LCLAT1: variants seen among roughly 807,000 people sequenced by gnomAD.
The protein encoded by LCLAT1 is lysocardiolipin acyltransferase 1.
A neutral mutation model predicts 30.7 loss-of-function variants in LCLAT1; 11 were observed. The ratio of observed to expected loss-of-function variants is 0.36; its 90% confidence interval spans 0.23 to 0.59. The LOEUF (loss-of-function observed/expected upper bound fraction) is 0.59. Ranked by LOEUF, LCLAT1 falls within the 20% of genes least tolerant of loss-of-function variation. LCLAT1 has a pLI of 0.77. For missense variants in LCLAT1, 402 were observed against 458.6 expected (o/e 0.88, Z 1.13); for synonymous variants, 155 against 151.3 (o/e 1.02, Z -0.18).
At chr2:30,452,592 A>G (rs1254298678) in intron 1 of LCLAT1, among the ~76,000 whole-genome samples, 1 of 152,210 alleles carries the variant, frequency 6.6e-6, no homozygotes, top group Non-Finnish European at 1.5e-5. Flanking sequence ...ATGATATTTT[A>G]TGAACATAAT....
Position 30,496,191 on chromosome 2 carries a change from A to G in LCLAT1, c.-4-29396A>G, listed in dbSNP as rs1684103315. On this transcript the variant is annotated intron_variant, in intron 1 of 5. Transcript: ENST00000379509. ...CTATTATGAGAACAGCAAGGGGGAAATCTGCCTCCATGATCCAGTCACCTC... is the reference window on the plus strand; with the variant it reads ...CTATTATGAGAACAGCAAGGGGGAAGTCTGCCTCCATGATCCAGTCACCTC... 4.6e-5 allele frequency among the ~76,000 whole-genome samples: 7 copies of G among 152,152 alleles called. No individual in the cohort carries two copies. The South Asian group carries it at 1.0e-3, about 23-fold the overall frequency.
chr2:30,536,392 G>T (rs76982086), intron 3 of LCLAT1, among the ~76,000 whole-genome samples: 17,503 of 152,184 alleles, frequency 0.12, 2,573 homozygotes, highest in African/African-American at 0.34. Flanking sequence ...GCTAGAGAAA[G>T]GTGTCGAATC....
chr2:30,639,063 T>C (rs1669175770), intron 5 of LCLAT1, among the ~76,000 whole-genome samples: 1 of 152,202 alleles, frequency 6.6e-6, no homozygotes, highest in African/African-American at 2.4e-5. Flanking sequence ...AATCCTTAAG[T>C]AGTTCTCCAC....
At chr2:30,535,437 C>T (rs924645019) in intron 3 of LCLAT1, among the ~76,000 whole-genome samples, 1 of 152,132 alleles carries the variant, frequency 6.6e-6, no homozygotes, top group Non-Finnish European at 1.5e-5. Context: ...GTTCACCCCC[C>T]AGGGTCAAAA....
At chr2:30,502,124 G>A (rs758514198) in intron 1 of LCLAT1, among the ~76,000 whole-genome samples, 8 of 152,204 alleles carry the variant, frequency 5.3e-5, no homozygotes, top group Non-Finnish European at 1.2e-4. Context: ...TGCAGGGACA[G>A]CCATTGGTAA....
chr2:30,477,972 C>A (rs554329626), intron 1 of LCLAT1, among the ~76,000 whole-genome samples: 1 of 149,332 alleles, frequency 6.7e-6, no homozygotes, highest in South Asian at 2.1e-4. Flanking sequence ...TGAAAAATCT[C>A]AAAGATTTAC....
At chr2:30,454,002 G>A (rs1337646698) in intron 1 of LCLAT1, among the ~76,000 whole-genome samples, 1 of 152,294 alleles carries the variant, frequency 6.6e-6, no homozygotes, top group East Asian at 1.9e-4. Flanking sequence ...CAGAGTCTGT[G>A]CTCTTAATTA....
At chr2:30,524,945 C>T (rs1415368799) in intron 1 of LCLAT1, among the ~76,000 whole-genome samples, 1 of 151,514 alleles carries the variant, frequency 6.6e-6, no homozygotes, top group Non-Finnish European at 1.5e-5. Context: ...AGTTTTTAGT[C>T]AATTGCTTCT....
intron 5 of LCLAT1, among the ~76,000 whole-genome samples, chr2:30,594,413 T>C (rs879346228): frequency 5.9e-5 from 9 of 152,240 alleles, no homozygotes; most frequent in Admixed American, 5.2e-4. Context: ...TTATCAAGTA[T>C]CTGCTTCTGT....
chr2:30,602,264 A>G (rs1558548555), intron 5 of LCLAT1, among the ~76,000 whole-genome samples: 1 of 151,986 alleles, frequency 6.6e-6, no homozygotes, highest in African/African-American at 2.4e-5. Flanking sequence ...AAAACCAGAC[A>G]TTTTCTGCAC....
chr2:30,452,970 AGAG>A (rs1681633632), intron 1 of LCLAT1, among the ~76,000 whole-genome samples: 1 of 150,896 alleles, frequency 6.6e-6, no homozygotes, highest in Admixed American at 6.6e-5. Flanking sequence ...AGCTGACAAC[AGAG>A]GATTAGCTGC....
At chr2:30,495,374 C>T (rs1026595161) in intron 1 of LCLAT1, among the ~76,000 whole-genome samples, 1 of 152,026 alleles carries the variant, frequency 6.6e-6, no homozygotes, top group Admixed American at 6.6e-5. Context: ...GCCCCCCTTT[C>T]ATAATAAATA....
At chr2:30,495,476 T>G (rs1422509178) in intron 1 of LCLAT1, among the ~76,000 whole-genome samples, 1 of 152,052 alleles carries the variant, frequency 6.6e-6, no homozygotes, top group Non-Finnish European at 1.5e-5. Flanking sequence ...AATAATTCTC[T>G]AATTGCAATA....
chr2:30,528,588 A>G (rs967527989), intron 2 of LCLAT1, among the ~76,000 whole-genome samples: 2 of 152,208 alleles, frequency 1.3e-5, no homozygotes, highest in South Asian at 2.1e-4. Flanking sequence ...TAATATCAAT[A>G]TAGTACAATT....
At chr2:30,485,517 A>G (rs1168972720) in intron 1 of LCLAT1, among the ~76,000 whole-genome samples, 1 of 152,188 alleles carries the variant, frequency 6.6e-6, no homozygotes. Flanking sequence ...TTTGTCTTAA[A>G]TTCACGTTTC....
At chr2:30,451,291 A>AC (rs1438690999) in intron 1 of LCLAT1, among the ~76,000 whole-genome samples, 2 of 152,156 alleles carry the variant, frequency 1.3e-5, no homozygotes, top group African/African-American at 4.8e-5. Flanking sequence ...AAGGGTGTAG[A>AC]CCAACTGGAT....
At chr2:30,512,932 G>T (rs778991729) in intron 1 of LCLAT1, among the ~76,000 whole-genome samples, 1 of 152,030 alleles carries the variant, frequency 6.6e-6, no homozygotes, top group Non-Finnish European at 1.5e-5. Flanking sequence ...ATATTTCTGC[G>T]TGATAGAGTT....
chr2:30,612,511 A>C (rs993202754), intron 5 of LCLAT1, among the ~76,000 whole-genome samples: 3 of 152,158 alleles, frequency 2.0e-5, no homozygotes, highest in Non-Finnish European at 4.4e-5. Flanking sequence ...ACTTCCCAGT[A>C]TATCCTCTGA....
At chr2:30,638,991 T>C (rs959503252) in intron 5 of LCLAT1, among the ~76,000 whole-genome samples, 1 of 152,226 alleles carries the variant, frequency 6.6e-6, no homozygotes, top group Non-Finnish European at 1.5e-5. Context: ...CAAACCATTC[T>C]GGTCACTGCC....
Sources: gnomAD v4.1 joint callset for allele counts (sites outside exome capture counted in the v4.1 genomes callset) on GRCh38, gnomAD v4.1.1 for gene constraint, MANE v1.5 for transcripts, NCBI Gene and HGNC (gene_info 2026-07-23, HGNC 2026-07-21) for gene names.